ACIN1: variants seen among roughly 807,000 people sequenced by gnomAD.
ACIN1 encodes apoptotic chromatin condensation inducer in the nucleus.
ACIN1 carries 16 observed loss-of-function variants against 146.6 expected under a neutral mutation model. The ratio of observed to expected loss-of-function variants is 0.11; its 90% CI spans 0.07 to 0.17. The LOEUF is 0.17. ACIN1 is among the 10% of genes least tolerant of loss of function. The pLI, the probability that ACIN1 is intolerant of heterozygous loss-of-function variation, is 1.00. For missense variants in ACIN1, 1,357 were observed against 1,609.3 expected, an observed-to-expected ratio of 0.84 and a Z score of 2.68; for synonymous variants, 569 against 582.7, an observed-to-expected ratio of 0.98 and a Z score of 0.34.
At chr14:23,070,052 G>C (rs1445280502) in intron 8 of ACIN1, among the ~76,000 whole-genome samples, 3 of 152,094 alleles carry the variant, frequency 2.0e-5, no homozygotes, top group Admixed American at 2.0e-4. Context: ...CACGAGAAAC[G>C]AAGGGAAGCC....
rs200537293 is a variant in ACIN1, at chr14:23,059,115, T to G, written c.*33A>C. On this transcript the variant is annotated 3_prime_UTR_variant, in exon 19 of 19. Coordinates refer to ENST00000605057, the MANE Select transcript of ACIN1 (RefSeq NM_001386863.1). ...GTGGCCATAACCCCCTGGGGCCGAGTGGCTGGTACCTGCAGCTCTAGTGTT... is the reference window on the plus strand; with the variant it reads ...GTGGCCATAACCCCCTGGGGCCGAGGGGCTGGTACCTGCAGCTCTAGTGTT... 3.8e-4 allele frequency: 614 copies of G among 1,603,970 alleles called. 1 individual carries two copies. In the Middle Eastern group the frequency reaches 6.0e-3, roughly 16 times the overall value.
intron 8 of ACIN1, chr14:23,071,413 C>T (rs1444718094): frequency 2.4e-5 from 37 of 1,551,344 alleles, no homozygotes; most frequent in Middle Eastern, 1.7e-4. Flanking sequence ...AAGAGATAAG[C>T]GTTAAGTCCT....
At position 23,069,589 on chromosome 14, in the gene ACIN1, T is replaced by G. The variant is rs139192732; in HGVS notation, c.2152A>C (p.Thr718Pro). Residue 718 changes from threonine to proline, a missense_variant, in exon 9 of 19, where the codon ACA (threonine) becomes CCA (proline). Transcript: ENST00000605057. The part of the protein sequence containing the change: ...VEEKEEVTMD[T>P]SENRPENDVP... ...TCATTTTCAGGTCTGTTTTCACTTG[T>G]GTCCATGGTCACTTCCTCCTTCTCC... 2 of 1,502,942 alleles carry G rather than the reference T, an allele frequency of 1.3e-6. No individual in the cohort carries two copies. The highest frequency in any genetic ancestry group is 2.2e-5 in the South Asian group (2 of 89,338). The allele number at this position is 1,502,942 out of a possible 1,614,324, so 93.1% of individuals were successfully genotyped here.
chr14:23,093,467 C>A lies in ACIN1; in HGVS notation c.204+12G>T. On this transcript the variant is annotated intron_variant, in intron 2 of 18. Transcript: ENST00000605057. ...AAAGGGCCCACTCCATTGAATACAC[C>A]TTCTTTCTCACCTGGGAATTTGGCT... The A allele has an allele frequency of 6.2e-7, 1 of 1,612,786 alleles. No homozygotes were observed. Among genetic ancestry groups the A allele is most frequent in the African/African-American group, 1.3e-5 (1 of 74,998 alleles).
rs141794758 is a variant in ACIN1, at chr14:23,078,092, G to A, written c.2123+59C>T. ...GCTTAGTCAAAGAACCCTAGGGAGC[G>A]AAGAACTATCGCACACTCATAGTTC... is the stretch of plus-strand genomic sequence containing the variant. On this transcript the variant is annotated intron_variant, in intron 8 of 18. Transcript: ENST00000605057. 4.5e-5 allele frequency: 67 copies of A among 1,503,066 alleles called. 1 individual carries two copies. In the African/African-American group the frequency reaches 6.8e-4, roughly 15 times the overall value. 93.1% of individuals were successfully genotyped at this position (1,503,066 alleles called of 1,614,324 possible). A position where few individuals can be genotyped will look rare whatever the true frequency, so the allele number is the denominator to read the frequency against.
At chr14:23,091,558 C>T (rs1237560353) in intron 2 of ACIN1, among the ~76,000 whole-genome samples, 7 of 140,508 alleles carry the variant, frequency 5.0e-5, no homozygotes, top group Non-Finnish European at 9.3e-5. Context: ...GAGCAAGACT[C>T]CATCTCAAGA....
chr14:23,076,736 G>A (rs1055928983), intron 8 of ACIN1, among the ~76,000 whole-genome samples: 9 of 152,148 alleles, frequency 5.9e-5, no homozygotes, highest in African/African-American at 2.2e-4. Context: ...CAAAGGACAT[G>A]CTTTTGTAAA....
intron 8 of ACIN1, chr14:23,071,629 G>C (rs2047658418): frequency 4.8e-6 from 7 of 1,444,384 alleles, no homozygotes; most frequent in African/African-American, 2.8e-5. Context: ...GGAAAGAAAA[G>C]AGGGAGGGAG....
intron 4 of ACIN1, among the ~76,000 whole-genome samples, chr14:23,087,197 G>C (rs548667122): frequency 6.6e-6 from 1 of 152,346 alleles, no homozygotes; most frequent in African/African-American, 2.4e-5. Context: ...ATACCTGGAA[G>C]AATCTGATTT....
chr14:23,067,520 G>T lies in ACIN1; in HGVS notation c.2266-1512C>A, dbSNP rs1030145204. On this transcript the variant is annotated intron_variant, in intron 9 of 18. Transcript: ENST00000605057. The surrounding 1 kb of genome is among the most constrained non-coding windows in gnomAD (Gnocchi z 4.6). ...CAGGGGGGGCGGGAGGGAAACGTGT[G>T]GGGGGACGCTGCCCAGTTTCCATGA... The T allele has an allele frequency of 1.0e-6, 1 of 985,298 alleles. No individual in the cohort carries two copies. Among genetic ancestry groups the T allele is most frequent in the Non-Finnish European group, 1.2e-6 (1 of 829,750 alleles). The allele number at this position is 985,298 out of a possible 1,614,324, so 61.0% of individuals were successfully genotyped here.
Position 23,080,009 on chromosome 14 carries a change from G to A in ACIN1, c.1326C>T (p.Val442=). The change falls in exon 6 of 19, where the codon GTC becomes GTT. Residue 442 remains valine, a synonymous_variant. Transcript: ENST00000605057. ...GTGTGCTTTTCTGAACCAGAGGCAG[G>A]ACACTCTCCTCTGGCACTTTCTCTG... ...SPAEKVPEES[V]LPLVQKSTLA... is the part of the protein sequence containing the mutation. 2 of 1,614,104 alleles carry A rather than the reference G, an allele frequency of 1.2e-6. No individual in the cohort carries two copies. Among genetic ancestry groups the A allele is most frequent in the Non-Finnish European group, 1.7e-6 (2 of 1,180,034 alleles).
intron 2 of ACIN1, 44 bp from the exon 3 acceptor site, chr14:23,090,677 A>G: frequency 1.4e-6 from 2 of 1,469,518 alleles, no homozygotes; most frequent in Non-Finnish European, 1.9e-6. Context: ...AAAACAAACC[A>G]GGAGAATGCA....
intron 4 of ACIN1, among the ~76,000 whole-genome samples, chr14:23,088,573 G>A (rs529108141): frequency 1.3e-5 from 2 of 152,218 alleles, no homozygotes; most frequent in African/African-American, 4.8e-5. Context: ...AGTCCATGAA[G>A]GAATTCTGTA....
intron 2 of ACIN1, 82 bp downstream of exon 2, chr14:23,093,397 G>A (rs2048278464): frequency 1.4e-5 from 19 of 1,344,586 alleles, no homozygotes; most frequent in Non-Finnish European, 2.0e-5. Flanking sequence ...GAGGACTTAA[G>A]CATCAAATAT....
At chr14:23,091,584 G>C (rs1174592871) in intron 2 of ACIN1, among the ~76,000 whole-genome samples, 4 of 138,626 alleles carry the variant, frequency 2.9e-5, no homozygotes, top group African/African-American at 1.1e-4. Flanking sequence ...AAAAAAAAAA[G>C]CCAGTTCCTC....
At position 23,069,647 on chromosome 14, in the gene ACIN1, G is replaced by C. The variant is rs769231938; in HGVS notation, c.2124-30C>G. Reference sequence around the variant, plus strand: ...CAGGAGGGGGGAGTGGTGGTGGGGGGGCGGGCAGAAAAGAACCAAGGGGAA... The same window carrying C: ...CAGGAGGGGGGAGTGGTGGTGGGGGCGCGGGCAGAAAAGAACCAAGGGGAA... On this transcript the variant is annotated intron_variant, in intron 8 of 18. Coordinates refer to ENST00000605057, the MANE Select transcript of ACIN1 (RefSeq NM_001386863.1). 2.0e-5 allele frequency: 14 copies of C among 706,004 alleles called. No individual in the cohort carries two copies. In the Admixed American group the frequency reaches 2.6e-4, roughly 13 times the overall value. 43.7% of individuals were successfully genotyped at this position (706,004 alleles called of 1,614,324 possible).
At chr14:23,060,712 T>C (rs1340613259) in intron 18 of ACIN1, among the ~76,000 whole-genome samples, 5 of 152,120 alleles carry the variant, frequency 3.3e-5, no homozygotes, top group African/African-American at 1.2e-4. Context: ...AGGGTTTCCA[T>C]GTTGGCCAGA....
At chr14:23,078,599 G>A (rs2047860488) in intron 7 of ACIN1, among the ~76,000 whole-genome samples, 2 of 152,178 alleles carry the variant, frequency 1.3e-5, no homozygotes, top group Admixed American at 6.5e-5. Flanking sequence ...TTATGAGGAA[G>A]AATTGACCCT....
chr14:23,061,942 C>T (rs1339645311), intron 16 of ACIN1, among the ~76,000 whole-genome samples: 1 of 142,328 alleles, frequency 7.0e-6, no homozygotes, highest in Non-Finnish European at 1.5e-5. Context: ...CCACTGCACT[C>T]CAGCCTGGGA....
Sources: allele counts gnomAD v4.1 joint callset (sites outside exome capture counted in the v4.1 genomes callset), GRCh38; gene constraint gnomAD v4.1.1; non-coding constraint Gnocchi (gnomAD v3.1); transcripts MANE v1.5; gene names NCBI Gene and HGNC (gene_info 2026-07-23, HGNC 2026-07-21).